Variants in DIAPH2 observed in about 807,000 individuals in gnomAD.
The protein encoded by DIAPH2 is protein diaphanous homolog 2.
A neutral mutation model predicts 92.7 loss-of-function variants in DIAPH2; 35 were observed. The observed-to-expected ratio is 0.38, with a 90% CI of 0.29 to 0.50. DIAPH2 has a LOEUF of 0.50. Ranked by LOEUF, DIAPH2 falls within the 20% of genes least tolerant of loss-of-function variation. DIAPH2 has a pLI of 0.94. For missense variants in DIAPH2, 701 were observed against 819.5 expected, an observed-to-expected ratio of 0.86 and a Z score of 1.77; for synonymous variants, 301 against 280.4, an observed-to-expected ratio of 1.07 and a Z score of -0.73.
chrX:96,723,329 A>G (rs5949447), intron 1 of DIAPH2, among the ~76,000 whole-genome samples: 21,306 of 110,992 alleles, frequency 0.19, 1,521 homozygotes, highest in East Asian at 0.32. Context: ...CAATTAAGAC[A>G]CCTAAGAAGC....
At chrX:96,776,499 C>T (rs972019087) in intron 4 of DIAPH2, among the ~76,000 whole-genome samples, 1 of 110,368 alleles carries the variant, frequency 9.1e-6, no homozygotes, top group African/African-American at 3.3e-5. Flanking sequence ...GTGTGAGTCA[C>T]CATGCCTGGC....
At chrX:97,584,070 G>C (rs2071462934) in intron 26 of DIAPH2, among the ~76,000 whole-genome samples, 1 of 111,557 alleles carries the variant, frequency 9.0e-6, no homozygotes, top group Non-Finnish European at 1.9e-5. Context: ...TGCGCCCACT[G>C]TCTGGCACTC....
chrX:97,425,694 T>G (rs2070055379), intron 25 of DIAPH2, among the ~76,000 whole-genome samples: 1 of 107,481 alleles, frequency 9.3e-6, no homozygotes, highest in South Asian at 4.2e-4. Context: ...GGCAGGAGAA[T>G]CGCTTGAACT....
At chrX:97,525,663 A>G (rs1238126889) in intron 26 of DIAPH2, among the ~76,000 whole-genome samples, 1 of 112,595 alleles carries the variant, frequency 8.9e-6, no homozygotes, top group Non-Finnish European at 1.9e-5. Context: ...CAGCAAACAA[A>G]GGGTAGCCTT....
At chrX:96,982,076 T>C (rs2066001364) in intron 17 of DIAPH2, among the ~76,000 whole-genome samples, 1 of 111,977 alleles carries the variant, frequency 8.9e-6, no homozygotes, top group South Asian at 3.7e-4. Flanking sequence ...TGTCTCTCAA[T>C]ATAACACCAA....
chrX:97,099,957 A>G (rs1042096323), intron 20 of DIAPH2, among the ~76,000 whole-genome samples, 162 bp downstream of exon 20: 3 of 111,762 alleles, frequency 2.7e-5, no homozygotes, highest in African/African-American at 9.8e-5. Flanking sequence ...TTTTTTACCT[A>G]TTATTATTTG....
chrX:97,038,531 A>G (rs1231775152), intron 17 of DIAPH2, among the ~76,000 whole-genome samples: 8 of 93,189 alleles, frequency 8.6e-5, no homozygotes, highest in Non-Finnish European at 1.5e-4. Flanking sequence ...TTGTTTTTTG[A>G]CTTTTTTTTT....
rs191618845 is a variant in DIAPH2, at chrX:97,051,290, T to G, written c.2051-21651T>G. On this transcript the variant is annotated intron_variant, in intron 17 of 26. Coordinates refer to ENST00000324765, the MANE Select transcript of DIAPH2 (RefSeq NM_006729.5). ...ATTTTCTTTTATGAACAAGGCTGTA[T>G]AGTTTGCATTTTTTCCAGGTGGTTT... Among the ~76,000 whole-genome samples, 117 of 111,001 alleles carry G rather than the reference T, an allele frequency of 1.1e-3. 1 individual carries two copies. Among genetic ancestry groups the G allele is most frequent in the Non-Finnish European group, 1.8e-3 (97 of 52,697 alleles).
intron 23 of DIAPH2, among the ~76,000 whole-genome samples, chrX:97,269,855 C>T (rs752750648): frequency 9.2e-6 from 1 of 108,788 alleles, no homozygotes; most frequent in Non-Finnish European, 1.9e-5. Context: ...CGAGTTCAAG[C>T]GATTCTCCTG....
chrX:97,566,393 T>A (rs1257679498), intron 26 of DIAPH2, among the ~76,000 whole-genome samples: 3 of 111,717 alleles, frequency 2.7e-5, no homozygotes, highest in African/African-American at 9.8e-5. Context: ...TCCAAACACA[T>A]AGAAGGTGAA....
At chrX:97,364,255 A>T in intron 24 of DIAPH2, among the ~76,000 whole-genome samples, 1 of 111,369 alleles carries the variant, frequency 9.0e-6, no homozygotes, top group Admixed American at 9.5e-5. Context: ...TGGTGTCATA[A>T]TATAGCTTTG....
At position 97,573,323 on chromosome X, in the gene DIAPH2, T is replaced by A. The variant is rs150373215; in HGVS notation, c.3242-25930T>A. On this transcript the variant is annotated intron_variant, in intron 26 of 26. Transcript: ENST00000324765. ...ACTGTTTTCACAAGAAAGCACTGAATATTTTTTGGCAATATATATATATAT... is the reference window on the plus strand; with the variant it reads ...ACTGTTTTCACAAGAAAGCACTGAAAATTTTTTGGCAATATATATATATAT... Among the ~76,000 whole-genome samples, 533 of 111,719 alleles carry A rather than the reference T, an allele frequency of 4.8e-3. 2 individuals are homozygous for A. The highest frequency in any genetic ancestry group is 0.016 in the African/African-American group (496 of 30,741).
At chrX:97,579,312 G>A (rs1240917070) in intron 26 of DIAPH2, among the ~76,000 whole-genome samples, 3 of 110,199 alleles carry the variant, frequency 2.7e-5, no homozygotes, top group Admixed American at 9.6e-5. Context: ...TAGGTCTAAC[G>A]TTTAAGTCTT....
At chrX:97,386,196 TA>T (rs1188159416) in intron 25 of DIAPH2, among the ~76,000 whole-genome samples, 2 of 112,109 alleles carry the variant, frequency 1.8e-5, no homozygotes, top group Non-Finnish European at 3.8e-5. Flanking sequence ...TAATATTATG[TA>T]AAAAGCTGTG....
At chrX:96,948,310 A>C (rs2065750604) in intron 14 of DIAPH2, among the ~76,000 whole-genome samples, 1 of 112,468 alleles carries the variant, frequency 8.9e-6, no homozygotes, top group East Asian at 2.8e-4. Flanking sequence ...ATGGTGGCTC[A>C]CGCCTGTAAT....
At chrX:96,766,409 A>G (rs1472582301) in intron 4 of DIAPH2, among the ~76,000 whole-genome samples, 1 of 110,987 alleles carries the variant, frequency 9.0e-6, no homozygotes, top group Non-Finnish European at 1.9e-5. Context: ...GGAAATGATT[A>G]GGGGTTTGTT....
chrX:96,961,889 G>T (rs945481027), intron 16 of DIAPH2, among the ~76,000 whole-genome samples: 4 of 109,563 alleles, frequency 3.7e-5, no homozygotes, highest in African/African-American at 1.3e-4. Flanking sequence ...GAAGATACTC[G>T]ATATGATTTT....
chrX:96,999,758 C>G (rs1039483282), intron 17 of DIAPH2, among the ~76,000 whole-genome samples: 1 of 111,242 alleles, frequency 9.0e-6, no homozygotes, highest in Admixed American at 9.5e-5. Context: ...CCACCCAAAT[C>G]TCATCTTGAA....
chrX:96,809,324 TA>T (rs772520530), intron 4 of DIAPH2, among the ~76,000 whole-genome samples: 2,746 of 97,863 alleles, frequency 0.028, 85 homozygotes, highest in African/African-American at 0.095. Context: ...TGGCGGTCTT[TA>T]AAAAAAAAAT....
Sources: allele counts gnomAD v4.1 joint callset (sites outside exome capture counted in the v4.1 genomes callset), GRCh38; gene constraint gnomAD v4.1.1; transcripts MANE v1.5; gene names NCBI Gene and HGNC (gene_info 2026-07-23, HGNC 2026-07-21).